GSE1: variants seen among roughly 807,000 people sequenced by gnomAD.
GSE1 encodes genetic suppressor element 1.
In GSE1, 32 loss-of-function variants were observed where a neutral mutation model predicts 112.6. The ratio of observed to expected loss-of-function variants is 0.28; its 90% CI spans 0.21 to 0.38. GSE1 has a LOEUF of 0.38. Ranked by LOEUF, GSE1 falls within the 10% of genes least tolerant of loss-of-function variation. GSE1 has a pLI of 1.00. For synonymous variants in GSE1, 1,115 were observed against 735.6 expected (o/e 1.52, Z -8.35); for missense variants, 2,348 against 1,699.2 (o/e 1.38, Z -6.71).
intron 3 of GSE1, among the ~76,000 whole-genome samples, chr16:85,652,757 AG>A (rs2051481047): frequency 6.8e-6 from 1 of 146,392 alleles, no homozygotes; most frequent in African/African-American, 2.5e-5. Flanking sequence ...CCTGGGAGAC[AG>A]ATGCTTCTCC....
Position 85,601,107 on chromosome 16 carries a change from C to T in GSE1, c.37+44744C>T, listed in dbSNP as rs182501465. Reference sequence around the variant, plus strand: ...CAGGGTTTGAATAAAGGAGATGGGGCTCTGCTGGGGGAGGATACAGCAGGC... The same window carrying T: ...CAGGGTTTGAATAAAGGAGATGGGGTTCTGCTGGGGGAGGATACAGCAGGC... On this transcript the variant is annotated intron_variant, in intron 1 of 2. Coordinates refer to the GSE1 transcript ENST00000635906. Among the ~76,000 whole-genome samples the T allele has an allele frequency of 1.9e-3, 289 of 152,006 alleles. 2 individuals are homozygous for T. The highest frequency in any genetic ancestry group is 6.3e-3 in the African/African-American group (260 of 41,480).
intron 3 of GSE1, among the ~76,000 whole-genome samples, chr16:85,653,536 C>G (rs1439087476): frequency 6.6e-6 from 1 of 151,386 alleles, no homozygotes; most frequent in Non-Finnish European, 1.5e-5. Context: ...CATCTGAGTC[C>G]TCTGGACCAC....
rs919357464 is a variant in GSE1, at chr16:85,373,135, G to A, written c.2464+15492G>A. 5.9e-5 allele frequency among the ~76,000 whole-genome samples: 9 copies of A among 152,250 alleles called. No individual in the cohort carries two copies. The highest frequency in any genetic ancestry group is 1.2e-4 in the Non-Finnish European group (8 of 68,042). ...CCTCTGCCAGGACAGGCAGGTGTCAGCAACAGCAGCAGCCAATGTGGCCAT... is the reference window on the plus strand; with the variant it reads ...CCTCTGCCAGGACAGGCAGGTGTCAACAACAGCAGCAGCCAATGTGGCCAT... On this transcript the variant is annotated intron_variant, in intron 2 of 2. Coordinates refer to the GSE1 transcript ENST00000637419. This position sits in a 1 kb window ranked among gnomAD's most constrained non-coding sequence, Gnocchi z 5.1.
intron 2 of GSE1, among the ~76,000 whole-genome samples, chr16:85,480,284 A>G (rs2050630351): frequency 6.6e-6 from 1 of 152,204 alleles, no homozygotes; most frequent in Admixed American, 6.5e-5. Flanking sequence ...ATGGGGATGG[A>G]GGGAAATTCC....
chr16:85,570,466 A>T (rs988962580), intron 1 of GSE1, among the ~76,000 whole-genome samples: 2 of 152,192 alleles, frequency 1.3e-5, no homozygotes, highest in Non-Finnish European at 2.9e-5. Context: ...CAGCCTGCAG[A>T]GAGAGTCATG....
chr16:85,599,450 G>C (rs2047371605), intron 1 of GSE1, among the ~76,000 whole-genome samples: 1 of 152,212 alleles, frequency 6.6e-6, no homozygotes, highest in Non-Finnish European at 1.5e-5. Context: ...CTGGAATGTG[G>C]GTGAGGGAGG....
chr16:85,274,450 C>T (rs1425368314), intron 1 of GSE1, among the ~76,000 whole-genome samples: 1 of 149,074 alleles, frequency 6.7e-6, no homozygotes, highest in Non-Finnish European at 1.5e-5. Context: ...ATGTATTTAT[C>T]GAGCACTCGG....
At chr16:85,304,601 C>CG (rs1290541396) in intron 1 of GSE1, among the ~76,000 whole-genome samples, 28,183 of 77,228 alleles carry the variant, frequency 0.36, 5,538 homozygotes, top group Middle Eastern at 0.5. Flanking sequence ...AAGCCGGGGG[C>CG]GGGGGGGTGG....
intron 2 of GSE1, among the ~76,000 whole-genome samples, chr16:85,422,970 C>A (rs896417873): frequency 6.6e-6 from 1 of 152,170 alleles, no homozygotes; most frequent in Admixed American, 6.5e-5. Flanking sequence ...TAATATTGAA[C>A]TTGCCTGGCT....
chr16:85,224,079 C>T (rs1469332816), intron 1 of GSE1, among the ~76,000 whole-genome samples: 3 of 151,906 alleles, frequency 2.0e-5, no homozygotes, highest in African/African-American at 7.3e-5. Flanking sequence ...CACTTCCTCC[C>T]TTGGCGATTC....
intron 1 of GSE1, among the ~76,000 whole-genome samples, chr16:85,194,462 C>T (rs2074889091): frequency 6.6e-6 from 1 of 152,080 alleles, no homozygotes; most frequent in African/African-American, 2.4e-5. Flanking sequence ...TGATTGCAAA[C>T]AATCAGGATT....
At chr16:85,495,429 TTTTATTTATTTATTTATTTATTTATTTA>T (rs67017375) in intron 2 of GSE1, among the ~76,000 whole-genome samples, 1 of 145,168 alleles carries the variant, frequency 6.9e-6, no homozygotes, top group Admixed American at 6.9e-5. Context: ...GCTGGGAACA[TTTTATTTATTTATTTATTTATTTATTTA>T]TTTATTTATT....
chr16:85,638,216 A>C (rs1200263192), intron 2 of GSE1, among the ~76,000 whole-genome samples: 1 of 152,190 alleles, frequency 6.6e-6, no homozygotes. Flanking sequence ...AATTCAATTC[A>C]GACGAAGCTG....
intron 1 of GSE1, among the ~76,000 whole-genome samples, chr16:85,217,673 G>C (rs1191191621): frequency 2.0e-5 from 3 of 152,190 alleles, no homozygotes; most frequent in Non-Finnish European, 4.4e-5. Context: ...GAAGTGCTCA[G>C]TGAAGGCCAG....
At chr16:85,394,333 G>C (rs1421460570) in intron 2 of GSE1, among the ~76,000 whole-genome samples, 1 of 152,202 alleles carries the variant, frequency 6.6e-6, no homozygotes, top group Non-Finnish European at 1.5e-5. Context: ...TGTCGGTGCT[G>C]GTGCGGCCCC....
At chr16:85,656,768 C>G in intron 7 of GSE1, 103 bp downstream of exon 7, 4 of 1,408,236 alleles carry the variant, frequency 2.8e-6, no homozygotes, top group Non-Finnish European at 3.7e-6. Flanking sequence ...AAATGTTCCC[C>G]AGCTGAGTTC....
intron 1 of GSE1, among the ~76,000 whole-genome samples, chr16:85,217,438 G>C (rs75793673): frequency 6.6e-6 from 1 of 152,202 alleles, no homozygotes; most frequent in African/African-American, 2.4e-5. Flanking sequence ...GTGCCCTGCA[G>C]AGTATGAGAA....
intron 1 of GSE1, among the ~76,000 whole-genome samples, chr16:85,290,923 G>A (rs975044873): frequency 6.6e-6 from 1 of 152,122 alleles, no homozygotes; most frequent in African/African-American, 2.4e-5. Flanking sequence ...GTTGGGGAGT[G>A]TCTGCCGGGT....
intron 2 of GSE1, among the ~76,000 whole-genome samples, chr16:85,484,509 G>A (rs1249737850): frequency 1.3e-5 from 2 of 152,264 alleles, no homozygotes; most frequent in Non-Finnish European, 2.9e-5. Context: ...CACAGAAGTG[G>A]CCCTTGAGTG....
Sources: allele counts gnomAD v4.1 joint callset (sites outside exome capture counted in the v4.1 genomes callset), GRCh38; gene constraint gnomAD v4.1.1; non-coding constraint Gnocchi (gnomAD v3.1); transcripts MANE v1.5; gene names NCBI Gene and HGNC (gene_info 2026-07-23, HGNC 2026-07-21).